METTL15: variants seen among roughly 807,000 people sequenced by gnomAD.
The protein encoded by METTL15 is methyltransferase 15, mitochondrial 12S rRNA N4-cytidine.
A neutral mutation model predicts 38.3 loss-of-function variants in METTL15; 34 were observed. The observed-to-expected ratio is 0.89, with a 90% CI of 0.68 to 1.18. The LOEUF (loss-of-function observed/expected upper bound fraction) is 1.18. Among genes scored for constraint, METTL15 ranks in the 50% most tolerant of loss-of-function variants. METTL15 has a pLI of 0.00. For synonymous variants in METTL15, 162 were observed against 170.9 expected (o/e 0.95, Z 0.41); for missense variants, 438 against 498.4 (o/e 0.88, Z 1.15).
chr11:28,178,378 G>A (rs911105393), intron 3 of METTL15, among the ~76,000 whole-genome samples: 1 of 151,608 alleles, frequency 6.6e-6, no homozygotes, highest in Non-Finnish European at 1.5e-5. Context: ...CTCCATTTTG[G>A]GTATTATCTG....
intron 3 of METTL15, among the ~76,000 whole-genome samples, chr11:28,130,600 A>G (rs901817711): frequency 6.1e-5 from 9 of 147,676 alleles, no homozygotes; most frequent in Non-Finnish European, 1.1e-4. Flanking sequence ...AGGTCTAGCA[A>G]CTGACTGAGA....
At chr11:28,357,367 CCTTT>C (rs1171013254) in intron 4 of METTL15, among the ~76,000 whole-genome samples, 3 of 152,096 alleles carry the variant, frequency 2.0e-5, no homozygotes, top group Admixed American at 6.6e-5. Context: ...TCCTTTTCTC[CCTTT>C]CTTCTTTCTT....
chr11:28,299,353 T>C (rs1469288720), intron 6 of METTL15, among the ~76,000 whole-genome samples: 1 of 152,116 alleles, frequency 6.6e-6, no homozygotes, highest in Non-Finnish European at 1.5e-5. Flanking sequence ...TCATACCTAA[T>C]TTGATTGAAT....
intron 5 of METTL15, among the ~76,000 whole-genome samples, chr11:28,377,614 G>T (rs374753284): frequency 4.2e-4 from 64 of 151,782 alleles, no homozygotes; most frequent in African/African-American, 1.1e-3. Flanking sequence ...ATGTCCTCCC[G>T]TAGCTCAGAG....
At chr11:28,321,100 A>T (rs896548136) in intron 6 of METTL15, among the ~76,000 whole-genome samples, 10 of 152,158 alleles carry the variant, frequency 6.6e-5, no homozygotes, top group African/African-American at 2.4e-4. Flanking sequence ...AGAACCTTTA[A>T]ATTAACATAT....
intron 4 of METTL15, among the ~76,000 whole-genome samples, chr11:28,262,850 A>G (rs1198111459): frequency 6.6e-6 from 1 of 152,136 alleles, no homozygotes; most frequent in Non-Finnish European, 1.5e-5. Flanking sequence ...AGGCAGAGTC[A>G]TCCAAATGTC....
chr11:28,178,003 CTT>C (rs1158270651), intron 3 of METTL15, among the ~76,000 whole-genome samples: 1 of 151,910 alleles, frequency 6.6e-6, no homozygotes, highest in African/African-American at 2.4e-5. Context: ...GACTTAAACA[CTT>C]TTGATCTCAG....
At chr11:28,233,848 C>T (rs1853802626) in intron 4 of METTL15, among the ~76,000 whole-genome samples, 1 of 151,640 alleles carries the variant, frequency 6.6e-6, no homozygotes, top group South Asian at 2.1e-4. Flanking sequence ...TACATGTGCA[C>T]AATGTGCAGG....
chr11:28,362,289 T>C (rs1015505508), intron 5 of METTL15, among the ~76,000 whole-genome samples: 38 of 152,186 alleles, frequency 2.5e-4, no homozygotes, highest in Admixed American at 7.9e-4. Context: ...TCATATTGCA[T>C]TGGGTATCAG....
At chr11:28,435,503 T>C (rs1367987982) in intron 6 of METTL15, among the ~76,000 whole-genome samples, 2 of 152,202 alleles carry the variant, frequency 1.3e-5, no homozygotes, top group Non-Finnish European at 2.9e-5. Flanking sequence ...TCTATTGTTC[T>C]CCATGGCTCT....
rs754758294 is a variant in METTL15, at chr11:28,427,523, C to T, written c.*424+3159C>T. 3.9e-5 allele frequency among the ~76,000 whole-genome samples: 6 copies of T among 152,250 alleles called. No individual in the cohort carries two copies. The South Asian group carries it at 1.0e-3, about 26-fold the overall frequency. Reference sequence around the variant, plus strand: ...CATTGAATCTACAAATTACTTTGGGCAATATGGCCATTGTCACCATATTGA... The same window carrying T: ...CATTGAATCTACAAATTACTTTGGGTAATATGGCCATTGTCACCATATTGA... On this transcript the variant is annotated intron_variant and NMD_transcript_variant, in intron 6 of 7. Transcript: ENST00000532947.
chr11:28,394,418 T>C (rs1850547044), intron 5 of METTL15, among the ~76,000 whole-genome samples: 1 of 152,216 alleles, frequency 6.6e-6, no homozygotes, highest in East Asian at 1.9e-4. Context: ...TTCAGTCATA[T>C]TTGGGCCTAA....
At chr11:28,291,093 A>G (rs1254905403) in intron 5 of METTL15, among the ~76,000 whole-genome samples, 1 of 141,692 alleles carries the variant, frequency 7.1e-6, no homozygotes, top group Non-Finnish European at 1.5e-5. Flanking sequence ...TCTGTCACCC[A>G]AGCTGGCATG....
intron 4 of METTL15, among the ~76,000 whole-genome samples, chr11:28,256,607 C>G (rs1854981896): frequency 6.6e-6 from 1 of 151,864 alleles, no homozygotes; most frequent in Non-Finnish European, 1.5e-5. Context: ...TTTGGTTAAT[C>G]TGGCTGAAGA....
At chr11:28,507,764 T>G (rs1242296381) in intron 6 of METTL15, among the ~76,000 whole-genome samples, 1 of 152,200 alleles carries the variant, frequency 6.6e-6, no homozygotes, top group African/African-American at 2.4e-5. Context: ...CCTGTTATTT[T>G]CTTCTCTAAC....
chr11:28,219,269 C>G (rs1019349928), intron 4 of METTL15, among the ~76,000 whole-genome samples: 9 of 152,116 alleles, frequency 5.9e-5, no homozygotes, highest in Admixed American at 5.2e-4. Context: ...GATTCAACTT[C>G]TTCCTGGTTT....
At chr11:28,430,323 G>T (rs1590371766) in intron 6 of METTL15, among the ~76,000 whole-genome samples, 1 of 105,870 alleles carries the variant, frequency 9.4e-6, no homozygotes, top group Admixed American at 9.3e-5. Context: ...CGGGAGGGAG[G>T]TGAGGGGGTC....
intron 6 of METTL15, among the ~76,000 whole-genome samples, chr11:28,480,889 C>T (rs571149402): frequency 4.6e-5 from 7 of 152,094 alleles, no homozygotes; most frequent in Non-Finnish European, 1.0e-4. Context: ...CTGCATAGAT[C>T]TTGGCTCCTG....
chr11:28,356,450 C>T (rs2133364991), intron 4 of METTL15, among the ~76,000 whole-genome samples: 1 of 152,178 alleles, frequency 6.6e-6, no homozygotes, highest in South Asian at 2.1e-4. Context: ...TCAAAATAGT[C>T]AACAAGTTAA....
Sources: allele counts gnomAD v4.1 joint callset (sites outside exome capture counted in the v4.1 genomes callset), GRCh38; gene constraint gnomAD v4.1.1; transcripts MANE v1.5; gene names NCBI Gene and HGNC (gene_info 2026-07-23, HGNC 2026-07-21).